Variants in MAST4 observed in about 807,000 individuals in gnomAD.
MAST4 encodes microtubule-associated serine/threonine-protein kinase 4.
Under a neutral mutation model 162.7 loss-of-function variants are expected in MAST4, and 89 were observed. The ratio of observed to expected loss-of-function variants is 0.55; its 90% CI spans 0.46 to 0.65. The LOEUF is 0.65. Ranked by LOEUF, MAST4 falls within the 30% of genes least tolerant of loss-of-function variation. The pLI is 0.00. For synonymous variants in MAST4, 1,479 were observed against 1,361.1 expected (o/e 1.09, Z -1.91); for missense variants, 3,153 against 3,374.0 (o/e 0.93, Z 1.62).
At chr5:67,081,266 A>G (rs1329778849) in intron 5 of MAST4, among the ~76,000 whole-genome samples, 2 of 151,064 alleles carry the variant, frequency 1.3e-5, no homozygotes, top group Non-Finnish European at 2.9e-5. Context: ...GGGGGAGGTT[A>G]TGTACGTGCT....
chr5:66,803,887 C>T (rs1756043804), intron 3 of MAST4, among the ~76,000 whole-genome samples: 1 of 150,310 alleles, frequency 6.7e-6, no homozygotes, highest in East Asian at 1.9e-4. Context: ...TTGTCTTAAT[C>T]ATAAAGAGAA....
At chr5:66,959,724 G>A (rs1486575281) in intron 4 of MAST4, among the ~76,000 whole-genome samples, 1 of 152,178 alleles carries the variant, frequency 6.6e-6, no homozygotes, top group African/African-American at 2.4e-5. Context: ...TATTTGTGAC[G>A]TTCATTAGAT....
intron 3 of MAST4, among the ~76,000 whole-genome samples, chr5:66,846,599 A>C (rs1438694821): frequency 6.6e-6 from 1 of 152,150 alleles, no homozygotes; most frequent in African/African-American, 2.4e-5. Flanking sequence ...GTAAATTATA[A>C]AGTATGTAAT....
At chr5:66,975,353 G>A (rs7717024) in intron 4 of MAST4, among the ~76,000 whole-genome samples, 4,112 of 152,210 alleles carry the variant, frequency 0.027, 159 homozygotes, top group African/African-American at 0.094. Context: ...TTTTTCCTGG[G>A]ACCCTGAAAT....
intron 15 of MAST4, among the ~76,000 whole-genome samples, chr5:67,130,946 A>G (rs78024861): frequency 0.01 from 1,533 of 152,234 alleles, 27 homozygotes; most frequent in African/African-American, 0.035. Flanking sequence ...TCAATTTTAT[A>G]TTAAGTTTCT....
At chr5:67,006,355 C>G (rs925373919) in intron 4 of MAST4, among the ~76,000 whole-genome samples, 5 of 152,178 alleles carry the variant, frequency 3.3e-5, no homozygotes, top group Non-Finnish European at 7.3e-5. Context: ...GTCAGAGACC[C>G]TCTCTTGTAG....
At chr5:67,100,296 A>C (rs1764889729) in intron 7 of MAST4, 139 bp from the exon 8 acceptor site, 14 of 768,314 alleles carry the variant, frequency 1.8e-5, no homozygotes, top group Non-Finnish European at 2.9e-5. Context: ...ACATTTAGGC[A>C]GTCGTTCTTA....
At chr5:67,003,512 G>A (rs181965104) in intron 4 of MAST4, among the ~76,000 whole-genome samples, 1 of 152,226 alleles carries the variant, frequency 6.6e-6, no homozygotes, top group East Asian at 1.9e-4. Context: ...TTGTAAGCGA[G>A]TTTGTTCCTG....
intron 1 of MAST4, among the ~76,000 whole-genome samples, chr5:66,705,482 G>T (rs1322854271): frequency 1.3e-5 from 2 of 152,202 alleles, no homozygotes; most frequent in Non-Finnish European, 2.9e-5. Context: ...GATGAATGTT[G>T]TGGTGTTATA....
At chr5:66,786,087 T>C (rs2149670419) in intron 2 of MAST4, among the ~76,000 whole-genome samples, 1 of 152,214 alleles carries the variant, frequency 6.6e-6, no homozygotes, top group South Asian at 2.1e-4. Context: ...CAGGCTGGTC[T>C]TGAACACTTA....
chr5:67,040,865 T>C (rs1756659189), intron 4 of MAST4, among the ~76,000 whole-genome samples: 1 of 152,196 alleles, frequency 6.6e-6, no homozygotes, highest in Admixed American at 6.5e-5. Context: ...AAAACACAGG[T>C]TCTGAAGGCA....
chr5:66,630,588 T>G (rs1216042743), intron 1 of MAST4, among the ~76,000 whole-genome samples: 1 of 152,194 alleles, frequency 6.6e-6, no homozygotes, highest in Non-Finnish European at 1.5e-5. Flanking sequence ...ATTTAAAGTA[T>G]TCACATATTA....
At chr5:66,628,461 CA>C (rs1347654017) in intron 1 of MAST4, among the ~76,000 whole-genome samples, 1 of 151,084 alleles carries the variant, frequency 6.6e-6, no homozygotes, top group Non-Finnish European at 1.5e-5. Flanking sequence ...TGATTATTTA[CA>C]ATGATTTCAT....
At chr5:66,923,004 C>A (rs1307857126) in intron 4 of MAST4, among the ~76,000 whole-genome samples, 1 of 152,172 alleles carries the variant, frequency 6.6e-6, no homozygotes, top group Non-Finnish European at 1.5e-5. Context: ...TTGTTAGGGA[C>A]ACTGTGACTG....
At position 67,167,015 on chromosome 5, in the gene MAST4, G is replaced by C; in HGVS notation, c.7836G>C (p.Glu2612Asp). The C allele has an allele frequency of 3.1e-6, 5 of 1,604,290 alleles. No homozygotes were observed. The highest frequency in any genetic ancestry group is 3.4e-6 in the Non-Finnish European group (4 of 1,175,194). The change falls in exon 29 of 29, where the codon GAG (glutamate) becomes GAC (aspartate). Residue 2612 changes from glutamate (E) to aspartate (D), a missense_variant. Glu to Asp is a conservative substitution (Grantham distance 45). Transcript: ENST00000403625. ...TGGTACGGCAGAGGCGGGGGAAAGA[G>C]AGTTTGCGTAGCAGCCCTCACAAAA... ...DFVVRQRRGK[E>D]SLRSSPHKKA...
intron 3 of MAST4, among the ~76,000 whole-genome samples, chr5:66,813,628 T>C (rs1224455557): frequency 1.3e-5 from 2 of 152,260 alleles, no homozygotes; most frequent in South Asian, 2.1e-4. Flanking sequence ...TTTTTACTTA[T>C]AAATTATCCA....
At chr5:66,951,214 A>C (rs564720521) in intron 4 of MAST4, among the ~76,000 whole-genome samples, 64 of 152,346 alleles carry the variant, frequency 4.2e-4, no homozygotes, top group African/African-American at 1.5e-3. Context: ...TAAAGCTTTC[A>C]GGTTGTATCA....
At chr5:67,054,165 A>T (rs1359193775) in intron 4 of MAST4, among the ~76,000 whole-genome samples, 3 of 152,318 alleles carry the variant, frequency 2.0e-5, no homozygotes, top group Non-Finnish European at 4.4e-5. Context: ...AAGGCATTTG[A>T]TTATTGCTCC....
chr5:66,889,042 T>A (rs1310048253), intron 3 of MAST4, among the ~76,000 whole-genome samples: 1 of 152,212 alleles, frequency 6.6e-6, no homozygotes, highest in Non-Finnish European at 1.5e-5. Flanking sequence ...TTAACTAGCT[T>A]TTTAGAAGCT....
Sources: allele counts gnomAD v4.1 joint callset (sites outside exome capture counted in the v4.1 genomes callset), GRCh38; gene constraint gnomAD v4.1.1; transcripts MANE v1.5; gene names NCBI Gene and HGNC (gene_info 2026-07-23, HGNC 2026-07-21).